The following MYL3 variants were observed in gnomAD, a reference collection of about 807,000 sequenced individuals.
The protein encoded by MYL3 is CMLC1.
A neutral mutation model predicts 21.3 loss-of-function variants in MYL3; 11 were observed. The observed-to-expected ratio is 0.52, with a 90% confidence interval of 0.32 to 0.85. The LOEUF is 0.85. Among genes scored for constraint, MYL3 ranks in the 40% least tolerant of loss-of-function variants. The pLI is 0.03. For missense variants in MYL3, 206 were observed against 253.3 expected (o/e 0.81, Z 1.27); for synonymous variants, 88 against 91.6 (o/e 0.96, Z 0.22).
intron 1 of MYL3, among the ~76,000 whole-genome samples, chr3:46,876,914 T>G (rs2030250613): frequency 6.6e-6 from 1 of 152,202 alleles, no homozygotes; most frequent in Non-Finnish European, 1.5e-5. Context: ...GCAGGGTCTC[T>G]GCCTCCCTGT....
At position 46,859,602 on chromosome 3, in the gene MYL3, G is replaced by A. The variant is rs1575497856; in HGVS notation, c.354C>T (p.Leu118=). 4.3e-6 allele frequency: 7 copies of A among 1,614,238 alleles called. 1 individual carries two copies. In the East Asian group the frequency reaches 1.6e-4, roughly 36 times the overall value. The part of the protein sequence containing the change: ...MMDFETFLPM[L]QHISKNKDTG... ...TGTCCTTGTTCTTGGAAATGTGCTG[G>A]AGCATAGGCAGGAAAGTTTCAAAGT... Residue 118 remains leucine, a synonymous_variant, in exon 4 of 7, where the codon CTC becomes CTT. Coordinates refer to ENST00000292327, the MANE Select transcript of MYL3 (RefSeq NM_000258.3). This position sits in a 1 kb window ranked among gnomAD's most constrained non-coding sequence, Gnocchi z 4.1.
rs1005201967 is a variant in MYL3 at position 46,861,992 on chromosome 3, C to T, written c.130-1005G>A. On this transcript the variant is annotated intron_variant, in intron 1 of 6. Coordinates refer to ENST00000292327, the MANE Select transcript of MYL3 (RefSeq NM_000258.3). The surrounding 1 kb of genome is among the most constrained non-coding windows in gnomAD (Gnocchi z 4.2). Reference sequence around the variant, plus strand: ...GAAGAACAGGTTGTCATTCCTGGCTCCCTGAGAGCTCTCTCCACCAGGAAG... The same window carrying T: ...GAAGAACAGGTTGTCATTCCTGGCTTCCTGAGAGCTCTCTCCACCAGGAAG... 1.3e-5 allele frequency among the ~76,000 whole-genome samples: 2 copies of T among 152,326 alleles called. No individual in the cohort carries two copies. The highest frequency in any genetic ancestry group is 1.9e-4 in the East Asian group (1 of 5,186).
intron 1 of MYL3, among the ~76,000 whole-genome samples, chr3:46,869,824 C>G (rs1221676073): frequency 6.6e-6 from 1 of 151,820 alleles, no homozygotes; most frequent in East Asian, 1.9e-4. Flanking sequence ...GTAAATTTAG[C>G]AGGAGAAAAA....
In MYL3 at chr3:46,863,330, G is replaced by C. The variant is rs779557153; in HGVS notation, c.61C>G (p.Pro21Ala). The C allele has an allele frequency of 1.2e-6, 2 of 1,613,982 alleles. No individual in the cohort carries two copies. Among genetic ancestry groups the C allele is most frequent in the Non-Finnish European group, 1.7e-6 (2 of 1,180,022 alleles). The part of the protein sequence containing the change: ...DDAKAAPKAA[P>A]APAPPPEPER... Reference sequence around the variant, plus strand: ...GGCTCAGGGGGAGGTGCGGGAGCTGGAGCTGCCTTGGGGGCTGCCTTGGCA... The same window carrying C: ...GGCTCAGGGGGAGGTGCGGGAGCTGCAGCTGCCTTGGGGGCTGCCTTGGCA... Residue 21 changes from proline (P) to alanine (A), a missense_variant, in exon 1 of 7, where the codon CCA becomes GCA. Transcript: ENST00000292327.
chr3:46,877,317 G>T (rs1424932000), intron 1 of MYL3, among the ~76,000 whole-genome samples: 1 of 152,180 alleles, frequency 6.6e-6, no homozygotes, highest in Non-Finnish European at 1.5e-5. Flanking sequence ...GCCCCCCTCT[G>T]ATTTCTCTGG....
At chr3:46,881,319 C>T (rs946530862) in intron 1 of MYL3, among the ~76,000 whole-genome samples, 45 of 152,308 alleles carry the variant, frequency 3.0e-4, no homozygotes, top group African/African-American at 1.1e-3. Context: ...GCGTGCCCTC[C>T]CCAGCCAAAC....
At chr3:46,870,896 T>C (rs1702103602) in intron 1 of MYL3, among the ~76,000 whole-genome samples, 1 of 152,106 alleles carries the variant, frequency 6.6e-6, no homozygotes, top group Non-Finnish European at 1.5e-5. Flanking sequence ...CACTCAGGAA[T>C]CCTGGCCCAA....
At chr3:46,872,521 G>A (rs1210032700) in intron 1 of MYL3, among the ~76,000 whole-genome samples, 1 of 142,044 alleles carries the variant, frequency 7.0e-6, no homozygotes, top group Non-Finnish European at 1.5e-5. Context: ...ACACCTCCCA[G>A]GGGCAGGAAA....
intron 5 of MYL3, 22 bp downstream of exon 5, chr3:46,858,362 C>T: frequency 6.2e-7 from 1 of 1,614,142 alleles, no homozygotes; most frequent in Non-Finnish European, 8.5e-7. Context: ...TCCCAGAAGA[C>T]CCCTGCCCCT....
chr3:46,858,578 A>T lies in MYL3; in HGVS notation c.482-117T>A, dbSNP rs1021756212. On this transcript the variant is annotated intron_variant, in intron 4 of 6. Coordinates refer to ENST00000292327, the MANE Select transcript of MYL3 (RefSeq NM_000258.3). ...CCTCTCCAGTATTCCCACAACCAGCACTGTTCACAAGACCTTGGCCATCAC... is the reference window on the plus strand; with the variant it reads ...CCTCTCCAGTATTCCCACAACCAGCTCTGTTCACAAGACCTTGGCCATCAC... 3 of 980,086 alleles carry T rather than the reference A, an allele frequency of 3.1e-6. No homozygotes were observed. In the South Asian group the frequency reaches 4.1e-5, roughly 13 times the overall value. The allele number at this position is 980,086 out of a possible 1,614,324, so 60.7% of individuals were successfully genotyped here. A position where few individuals can be genotyped will look rare whatever the true frequency, so the allele number is the denominator to read the frequency against.
chr3:46,860,915 C>A lies in MYL3; in HGVS notation c.157+45G>T. 6.2e-7 allele frequency: 1 copy of A among 1,614,072 alleles called. No individual in the cohort carries two copies. The highest frequency in any genetic ancestry group is 1.6e-4 in the Middle Eastern group (1 of 6,062). On this transcript the variant is annotated intron_variant, in intron 2 of 6. Transcript: ENST00000292327. This position sits in a 1 kb window ranked among gnomAD's most constrained non-coding sequence, Gnocchi z 4.6. ...CTGGCAGGACCCTCAGACCAGGGAACCCCAGCCCAATCCTGCAACCCCTGG... is the reference window on the plus strand; with the variant it reads ...CTGGCAGGACCCTCAGACCAGGGAAACCCAGCCCAATCCTGCAACCCCTGG...
chr3:46,858,167 G>A (rs1415962701), intron 6 of MYL3, 64 bp downstream of exon 6: 14 of 1,542,698 alleles, frequency 9.1e-6, no homozygotes, highest in Non-Finnish European at 1.3e-5. Context: ...TGTCAAGTGA[G>A]CACTGCAGCT....
Position 46,858,417 on chromosome 3 carries a change from G to A in MYL3, c.526C>T (p.Gln176Ter). 6.2e-7 allele frequency: 1 copy of A among 1,613,946 alleles called. No individual in the cohort carries two copies. The part of the protein sequence containing the change: ...EDEVEKLMAG[Q>*]EDSNGCINYE... The stretch of plus-strand genomic sequence containing the variant: ...TTGATGCAGCCATTGGAGTCCTCTT[G>A]CCCAGCCATCAACTTCTCCACTTCG... The change falls in exon 5 of 7, where the codon CAA becomes TAA. Residue 176 changes from glutamine to a stop codon, truncating the protein, a stop_gained. Coordinates refer to ENST00000292327, the MANE Select transcript of MYL3 (RefSeq NM_000258.3). LOFTEE classifies it high-confidence loss of function.
chr3:46,874,462 G>A lies in MYL3; in HGVS notation c.-218+7612C>T, dbSNP rs1392425235. On this transcript the variant is annotated intron_variant, in intron 1 of 3. Coordinates refer to the MYL3 transcript ENST00000431168. The surrounding 1 kb of genome is among the most constrained non-coding windows in gnomAD (Gnocchi z 4.1). ...GGGGTTCTCCACTCGAGGGCTCCCG[G>A]CCACAGCCCCCGGCAAGGACCCAGT... is the stretch of plus-strand genomic sequence containing the variant. Among the ~76,000 whole-genome samples the A allele has an allele frequency of 6.6e-6, 1 of 152,086 alleles. No individual in the cohort carries two copies. Among genetic ancestry groups the A allele is most frequent in the Non-Finnish European group, 1.5e-5 (1 of 68,016 alleles).
In MYL3 at chr3:46,872,556, C is replaced by T. The variant is rs988612061; in HGVS notation, c.-217-5956G>A. The stretch of plus-strand genomic sequence containing the variant: ...AACAAGGAGAAACCATCATTGATTG[C>T]GGCTGCCAGAAGCCGTCACCACCTC... On this transcript the variant is annotated intron_variant, in intron 1 of 3. Coordinates refer to the MYL3 transcript ENST00000431168. Among the ~76,000 whole-genome samples the T allele has an allele frequency of 4.0e-5, 6 of 151,658 alleles. No homozygotes were observed. The South Asian group carries it at 8.4e-4, about 21-fold the overall frequency.
upstream of MYL3, among the ~76,000 whole-genome samples, chr3:46,867,071 A>G (rs1575499933): frequency 6.6e-6 from 1 of 151,998 alleles, no homozygotes; most frequent in South Asian, 2.1e-4. Flanking sequence ...TGCCAAACTC[A>G]GAACCCAGAA....
At chr3:46,869,079 G>A (rs571439183) in intron 1 of MYL3, among the ~76,000 whole-genome samples, 30 of 152,254 alleles carry the variant, frequency 2.0e-4, no homozygotes, top group African/African-American at 7.0e-4. Context: ...CAGCTCCCCA[G>A]CTCTGCCTGC....
Position 46,857,989 on chromosome 3 carries a change from G to A in MYL3, c.*126C>T, listed in dbSNP as rs757528575. On this transcript the variant is annotated 3_prime_UTR_variant, in exon 7 of 7. Transcript: ENST00000292327. The surrounding 1 kb of genome is among the most constrained non-coding windows in gnomAD (Gnocchi z 5.0). ...ACGGCAACCACGTGGAGAGGTCCAA[G>A]GGTTTTTGCAGGAGTCTTGGTAAGG... 28 of 586,028 alleles carry A rather than the reference G, an allele frequency of 4.8e-5. No individual in the cohort carries two copies. Among genetic ancestry groups the A allele is most frequent in the Non-Finnish European group, 8.0e-5 (26 of 326,996 alleles). The allele number at this position is 586,028 out of a possible 1,614,324, so 36.3% of individuals were successfully genotyped here.
At chr3:46,862,575 C>T (rs559498463) in intron 1 of MYL3, among the ~76,000 whole-genome samples, 3 of 152,288 alleles carry the variant, frequency 2.0e-5, no homozygotes, top group East Asian at 3.9e-4. Context: ...ACACAGGGTA[C>T]GTGCTGCTAT....
Sources: allele counts gnomAD v4.1 joint callset (sites outside exome capture counted in the v4.1 genomes callset), GRCh38; gene constraint gnomAD v4.1.1; non-coding constraint Gnocchi (gnomAD v3.1); transcripts MANE v1.5; gene names NCBI Gene and HGNC (gene_info 2026-07-23, HGNC 2026-07-21).